GLIS3: variants seen among roughly 807,000 people sequenced by gnomAD.
The protein encoded by GLIS3 is GLIS family zinc finger 3.
In GLIS3, 53 loss-of-function variants were observed where a neutral mutation model predicts 78.6. The ratio of observed to expected loss-of-function variants is 0.67; its 90% CI spans 0.54 to 0.85. The LOEUF (loss-of-function observed/expected upper bound fraction) is 0.85, where lower values mean the gene tolerates loss of function less well. Among genes scored for constraint, GLIS3 ranks in the 40% least tolerant of loss-of-function variants. The pLI is 0.00. For synonymous variants in GLIS3, 684 were observed against 509.9 expected (o/e 1.34, Z -4.60); for missense variants, 1,703 against 1,231.1 (o/e 1.38, Z -5.74).
At chr9:4,140,735 T>G (rs975688317) in intron 2 of GLIS3, among the ~76,000 whole-genome samples, 1 of 152,110 alleles carries the variant, frequency 6.6e-6, no homozygotes, top group Non-Finnish European at 1.5e-5. Context: ...TTATTTGTAT[T>G]TTGTGCTCCT....
rs776737368 is a variant in GLIS3, at chr9:4,117,779, T to G, written c.1699A>C (p.Asn567His). 20 of 1,614,066 alleles carry G rather than the reference T, an allele frequency of 1.2e-5. No individual in the cohort carries two copies. The East Asian group carries it at 4.5e-4, about 36-fold the overall frequency. Residue 567 changes from asparagine (N) to histidine (H), a missense_variant, in exon 4 of 11, where the codon AAC (asparagine) becomes CAC (histidine). Asn to His is a moderately conservative substitution (Grantham distance 68). Coordinates refer to ENST00000381971, the MANE Select transcript of GLIS3 (RefSeq NM_001042413.2). ...CTTCGGAAACTCACCGTACACTTGTTGGGCTTCTCCCCAGAGTGGACTCTC... is the reference window on the plus strand; with the variant it reads ...CTTCGGAAACTCACCGTACACTTGTGGGGCTTCTCCCCAGAGTGGACTCTC... ...HMRVHSGEKP[N>H]KCTFEGCEKA...
intron 7 of GLIS3, among the ~76,000 whole-genome samples, chr9:3,885,862 A>T (rs572755474): frequency 6.6e-6 from 1 of 152,340 alleles, no homozygotes; most frequent in Non-Finnish European, 1.5e-5. Flanking sequence ...AGCATACACA[A>T]TGTGAGACAG....
At chr9:4,476,382 A>C in the GLIS3 span, among the ~76,000 whole-genome samples, 1 of 151,994 alleles carries the variant, frequency 6.6e-6, no homozygotes, top group Non-Finnish European at 1.5e-5. Flanking sequence ...TTGTTTTGAG[A>C]CAGAGTTTCC....
chr9:4,375,772 A>ATATAT, the GLIS3 span, among the ~76,000 whole-genome samples: 1 of 152,240 alleles, frequency 6.6e-6, no homozygotes, highest in Admixed American at 6.5e-5. Context: ...TGCGAGTGGG[A>ATATAT]AAGTTTTAGA....
At chr9:4,137,534 T>A (rs1349595405) in intron 2 of GLIS3, among the ~76,000 whole-genome samples, 2 of 152,190 alleles carry the variant, frequency 1.3e-5, no homozygotes, top group African/African-American at 4.8e-5. Context: ...GTGCCCTGGA[T>A]TCCTGTGCAT....
chr9:4,308,127 A>T (rs1317294947), intron 4 of GLIS3, among the ~76,000 whole-genome samples: 1 of 152,004 alleles, frequency 6.6e-6, no homozygotes, highest in Non-Finnish European at 1.5e-5. Flanking sequence ...TCCTTCCCTT[A>T]GCTTCTCCAG....
At chr9:4,134,985 C>G (rs976615962) in intron 2 of GLIS3, among the ~76,000 whole-genome samples, 11 of 152,040 alleles carry the variant, frequency 7.2e-5, no homozygotes, top group African/African-American at 2.2e-4. Context: ...CCACTGGACT[C>G]TCACACAAAG....
intron 9 of GLIS3, among the ~76,000 whole-genome samples, chr9:3,842,967 TC>T (rs1407520805): frequency 7.9e-5 from 12 of 152,146 alleles, no homozygotes; most frequent in African/African-American, 2.7e-4. Context: ...TGATGATTGT[TC>T]CAAAAGGGCC....
chr9:4,154,543 G>C (rs10974350), intron 2 of GLIS3, among the ~76,000 whole-genome samples: 31,729 of 151,938 alleles, frequency 0.21, 3,971 homozygotes, highest in African/African-American at 0.35. Context: ...CAAAAGACCA[G>C]GAAACATATT....
intron 6 of GLIS3, among the ~76,000 whole-genome samples, chr9:3,911,610 A>G (rs1020717218): frequency 6.6e-6 from 1 of 152,234 alleles, no homozygotes; most frequent in Non-Finnish European, 1.5e-5. Flanking sequence ...ATCATAAAAT[A>G]TAAGACCCAG....
intron 1 of GLIS3, among the ~76,000 whole-genome samples, chr9:4,289,795 G>A (rs1257669479): frequency 1.3e-5 from 2 of 152,116 alleles, no homozygotes; most frequent in African/African-American, 4.8e-5. Context: ...TGTTCATTCT[G>A]CTAATATGAG....
At chr9:4,198,769 T>C (rs1225431785) in intron 2 of GLIS3, among the ~76,000 whole-genome samples, 1 of 151,784 alleles carries the variant, frequency 6.6e-6, no homozygotes, top group East Asian at 1.9e-4. Flanking sequence ...CACCAGACTG[T>C]CCAAGGTCAA....
At chr9:4,356,322 G>A in the GLIS3 span, among the ~76,000 whole-genome samples, 2 of 152,148 alleles carry the variant, frequency 1.3e-5, no homozygotes, top group Admixed American at 6.6e-5. Context: ...TCTTTCTTTT[G>A]CATCACTAAC....
At chr9:4,155,072 T>C (rs1834952417) in intron 2 of GLIS3, among the ~76,000 whole-genome samples, 1 of 152,222 alleles carries the variant, frequency 6.6e-6, no homozygotes, top group Admixed American at 6.5e-5. Flanking sequence ...TACTAAAATA[T>C]TAACAAATGA....
At chr9:4,120,076 C>A (rs1190448539) in intron 3 of GLIS3, among the ~76,000 whole-genome samples, 1 of 152,158 alleles carries the variant, frequency 6.6e-6, no homozygotes, top group Non-Finnish European at 1.5e-5. Flanking sequence ...AAATTAATCA[C>A]AACAAAACGT....
intron 2 of GLIS3, chr9:4,147,487 T>C (rs1834316920): frequency 6.6e-6 from 1 of 152,204 alleles, no homozygotes; most frequent in African/African-American, 2.4e-5. Flanking sequence ...TATCTTGCCC[T>C]TGGCTGGGGG....
At chr9:4,162,433 G>A (rs1271709449) in intron 2 of GLIS3, among the ~76,000 whole-genome samples, 1 of 152,132 alleles carries the variant, frequency 6.6e-6, no homozygotes, top group Non-Finnish European at 1.5e-5. Context: ...CAAGGAATCT[G>A]AAGAACATTT....
intron 9 of GLIS3, among the ~76,000 whole-genome samples, chr9:3,854,946 G>T (rs558979264): frequency 6.6e-6 from 1 of 152,152 alleles, no homozygotes; most frequent in African/African-American, 2.4e-5. Flanking sequence ...AGATTTGTTT[G>T]TTTGGGAACA....
At chr9:4,363,695 G>T in the GLIS3 span, among the ~76,000 whole-genome samples, 1 of 152,132 alleles carries the variant, frequency 6.6e-6, no homozygotes, top group African/African-American at 2.4e-5. Flanking sequence ...TAGGCACTCA[G>T]CAACATTTCT....
Sources: allele counts gnomAD v4.1 joint callset (sites outside exome capture counted in the v4.1 genomes callset), GRCh38; gene constraint gnomAD v4.1.1; transcripts MANE v1.5; gene names NCBI Gene and HGNC (gene_info 2026-07-23, HGNC 2026-07-21).